The following BPI variants were observed in gnomAD, a reference collection of about 807,000 sequenced individuals.
BPI encodes bactericidal permeability increasing protein.
A neutral mutation model predicts 57.6 loss-of-function variants in BPI; 48 were observed. The observed-to-expected ratio is 0.83, with a 90% confidence interval of 0.66 to 1.06. BPI has a LOEUF of 1.06. BPI is among the 50% of genes least tolerant of loss of function. BPI has a pLI of 0.00. For missense variants in BPI, 651 were observed against 609.7 expected (o/e 1.07, Z -0.71); for synonymous variants, 237 against 238.2 (o/e 0.99, Z 0.05).
At chr20:38,312,966 C>A (rs1268532155) in intron 5 of BPI, among the ~76,000 whole-genome samples, 2 of 152,182 alleles carry the variant, frequency 1.3e-5, no homozygotes, top group Non-Finnish European at 2.9e-5. Context: ...GCAGGACATT[C>A]CCCAGCCAAA....
intron 7 of BPI, chr20:38,321,873 G>A (rs891175786): frequency 6.7e-6 from 1 of 150,108 alleles, no homozygotes; most frequent in African/African-American, 2.5e-5. Flanking sequence ...GAGAGAGAGA[G>A]AGACAGAAAC....
chr20:38,336,539 C>T (rs948171172), intron 14 of BPI, among the ~76,000 whole-genome samples: 3 of 152,064 alleles, frequency 2.0e-5, no homozygotes, highest in African/African-American at 7.2e-5. Context: ...AAAGGCTTTC[C>T]TGATAACTTG....
In BPI at chr20:38,334,632, G is replaced by A. The variant is rs143815807; in HGVS notation, c.1336+139G>A. 2,070 of 832,830 alleles carry A rather than the reference G, an allele frequency of 2.5e-3. 3 individuals carry two copies. The highest frequency in any genetic ancestry group is 4.0e-3 in the Admixed American group (199 of 50,278). The allele number at this position is 832,830 out of a possible 1,614,324, so 51.6% of individuals were successfully genotyped here. On this transcript the variant is annotated intron_variant, in intron 13 of 14. Transcript: ENST00000642449. ...GTCAAGTGAACTTCAAATGGCATCTGACCCAGAAATGAATGCAACAAAAAG... is the reference window on the plus strand; with the variant it reads ...GTCAAGTGAACTTCAAATGGCATCTAACCCAGAAATGAATGCAACAAAAAG...
intron 14 of BPI, among the ~76,000 whole-genome samples, chr20:38,336,729 G>A (rs2076769300): frequency 6.6e-6 from 1 of 152,112 alleles, no homozygotes; most frequent in South Asian, 2.1e-4. Context: ...ATTTTACCAA[G>A]TTCGTGTTTT....
intron 6 of BPI, among the ~76,000 whole-genome samples, chr20:38,318,937 C>T (rs2076667083): frequency 6.6e-6 from 1 of 152,138 alleles, no homozygotes. Flanking sequence ...GCATTATTCT[C>T]CCCGTTTTAC....
At chr20:38,334,408 C>T (rs1392644899) in intron 12 of BPI, 22 bp from the exon 13 acceptor site, 1 of 1,610,172 alleles carries the variant, frequency 6.2e-7, no homozygotes, top group African/African-American at 1.3e-5. Context: ...GGCCATCCTC[C>T]CATCCTCCCT....
chr20:38,332,260 A>C (rs996954696), intron 12 of BPI, among the ~76,000 whole-genome samples: 1 of 152,052 alleles, frequency 6.6e-6, no homozygotes, highest in African/African-American at 2.4e-5. Flanking sequence ...CTGTGAGTCT[A>C]TTTATACCTT....
intron 7 of BPI, among the ~76,000 whole-genome samples, chr20:38,322,665 C>A (rs1271832651): frequency 4.6e-5 from 7 of 152,194 alleles, no homozygotes; most frequent in Admixed American, 2.0e-4. Context: ...GGCTGGAGTG[C>A]AATGGCGCGA....
chr20:38,318,500 G>A (rs985283723), intron 6 of BPI, 24 bp downstream of exon 6: 16 of 1,606,492 alleles, frequency 1.0e-5, no homozygotes, highest in Non-Finnish European at 1.3e-5. Context: ...GAAGATCAAG[G>A]ATAGAAAGGA....
chr20:38,312,430 A>G (rs145016968), intron 5 of BPI, among the ~76,000 whole-genome samples: 258 of 152,348 alleles, frequency 1.7e-3, no homozygotes, highest in African/African-American at 4.5e-3. Flanking sequence ...GCACTTCCCG[A>G]ACCATGCCCA....
chr20:38,328,211 C>T, intron 11 of BPI, among the ~76,000 whole-genome samples: 1 of 152,144 alleles, frequency 6.6e-6, no homozygotes, highest in East Asian at 1.9e-4. Context: ...TGTGGCTCAC[C>T]TTGGCAAGCA....
intron 9 of BPI, among the ~76,000 whole-genome samples, chr20:38,325,810 G>C (rs2122546655): frequency 6.6e-6 from 1 of 152,220 alleles, no homozygotes. Flanking sequence ...TTTTTACTCA[G>C]ACTGTGGGTT....
chr20:38,310,095 A>G (rs1406115141), intron 3 of BPI, among the ~76,000 whole-genome samples: 1 of 152,218 alleles, frequency 6.6e-6, no homozygotes, highest in Admixed American at 6.5e-5. Flanking sequence ...TGGGGGCATT[A>G]ATGAATGAAA....
At position 38,304,378 on chromosome 20, in the gene BPI, C is replaced by T. The variant is rs764558388; in HGVS notation, c.130+25C>T. On this transcript the variant is annotated intron_variant, in intron 1 of 14. Transcript: ENST00000642449. Reference sequence around the variant, plus strand: ...GGTAACTGGATGCCTCCCTTCCCTCCTCTCCACCCCTGAGGAGCACTTACT... The same window carrying T: ...GGTAACTGGATGCCTCCCTTCCCTCTTCTCCACCCCTGAGGAGCACTTACT... The T allele has an allele frequency of 7.7e-5, 124 of 1,609,400 alleles. No individual in the cohort carries two copies. In the Middle Eastern group the frequency reaches 8.0e-4, roughly 10 times the overall value.
chr20:38,335,756 C>A, intron 14 of BPI, 82 bp downstream of exon 14: 1 of 1,414,270 alleles, frequency 7.1e-7, no homozygotes, highest in Non-Finnish European at 1.0e-6. Flanking sequence ...TTCCTGCATG[C>A]CAAGCCCTGT....
chr20:38,322,032 T>C (rs766162076), intron 7 of BPI, among the ~76,000 whole-genome samples: 2 of 152,240 alleles, frequency 1.3e-5, no homozygotes, highest in African/African-American at 2.4e-5. Context: ...TATTCTGCTT[T>C]ACAACTTTAA....
chr20:38,332,808 T>C (rs1473172963), intron 12 of BPI, among the ~76,000 whole-genome samples: 1 of 152,154 alleles, frequency 6.6e-6, no homozygotes, highest in Non-Finnish European at 1.5e-5. Flanking sequence ...CGAGGGGCAT[T>C]GATGACGAGT....
chr20:38,334,577 C>G, intron 13 of BPI, 84 bp downstream of exon 13: 6 of 1,371,540 alleles, frequency 4.4e-6, no homozygotes, highest in Non-Finnish European at 5.2e-6. Flanking sequence ...TGTTACCTGG[C>G]CCCAGGTATG....
intron 2 of BPI, 139 bp from the exon 3 acceptor site, chr20:38,308,791 A>G: frequency 8.5e-7 from 1 of 1,181,456 alleles, no homozygotes; most frequent in Non-Finnish European, 1.2e-6. Context: ...CTGCTTTCTT[A>G]GCTTTGGGCT....
Sources: allele counts gnomAD v4.1 joint callset (sites outside exome capture counted in the v4.1 genomes callset), GRCh38; gene constraint gnomAD v4.1.1; transcripts MANE v1.5; gene names NCBI Gene and HGNC (gene_info 2026-07-23, HGNC 2026-07-21).